The following ZNF160 variants were observed in gnomAD, a reference collection of about 807,000 sequenced individuals.
The protein encoded by ZNF160 is zinc finger protein 160.
ZNF160 carries 9 observed loss-of-function variants against 13.1 expected under a neutral mutation model. That is an observed-to-expected ratio of 0.69 (90% CI 0.41 to 1.20). ZNF160 has a LOEUF of 1.20. Ranked by LOEUF, ZNF160 falls within the 50% of genes most tolerant of loss-of-function variation. The pLI, the probability that ZNF160 is intolerant of heterozygous loss-of-function variation, is 0.01. For missense variants in ZNF160, 838 were observed against 988.0 expected (o/e 0.85, Z 2.04); for synonymous variants, 293 against 333.2 (o/e 0.88, Z 1.31).
intron 2 of ZNF160, among the ~76,000 whole-genome samples, chr19:53,090,781 G>C (rs2085005547): frequency 6.6e-6 from 1 of 152,234 alleles, no homozygotes; most frequent in African/African-American, 2.4e-5. Flanking sequence ...CGGAGCTGCG[G>C]TGCTGCTGTG....
chr19:53,100,377 G>A (rs1423369524), intron 1 of ZNF160, among the ~76,000 whole-genome samples: 1 of 148,214 alleles, frequency 6.7e-6, no homozygotes, highest in Non-Finnish European at 1.5e-5. Flanking sequence ...TTGGGAGGCT[G>A]AGGCGGGTGG....
At chr19:53,084,115 C>T (rs901086230) in intron 3 of ZNF160, among the ~76,000 whole-genome samples, 1 of 152,102 alleles carries the variant, frequency 6.6e-6, no homozygotes, top group Non-Finnish European at 1.5e-5. Context: ...AATCAATCTA[C>T]AACCCAAAGT....
rs187392910 is a variant in ZNF160 at position 53,080,038 on chromosome 19, C to T, written c.16-4855G>A. Among the ~76,000 whole-genome samples, 105 of 152,124 alleles carry T rather than the reference C, an allele frequency of 6.9e-4. 1 individual carries two copies. Among genetic ancestry groups the T allele is most frequent in the Non-Finnish European group, 1.4e-3 (93 of 68,002 alleles). The stretch of plus-strand genomic sequence containing the variant: ...AAACCCTAAAGATTCCACTAAAAGA[C>T]TCCTAGACCTGATAAATGACTTCAG... On this transcript the variant is annotated intron_variant, in intron 3 of 5. Coordinates refer to ENST00000683776, the MANE Select transcript of ZNF160 (RefSeq NM_001322131.2).
At chr19:53,079,335 G>A (rs2084531845) in intron 3 of ZNF160, among the ~76,000 whole-genome samples, 1 of 152,086 alleles carries the variant, frequency 6.6e-6, no homozygotes, top group Non-Finnish European at 1.5e-5. Flanking sequence ...TGGATCACCT[G>A]AGGTCAGGAG....
At chr19:53,099,987 C>T (rs2085383979) in intron 1 of ZNF160, among the ~76,000 whole-genome samples, 1 of 152,218 alleles carries the variant, frequency 6.6e-6, no homozygotes, top group Non-Finnish European at 1.5e-5. Context: ...GCAAAAGAAA[C>T]TTCCCTTTCA....
At chr19:53,096,270 G>T (rs1178281102) in intron 1 of ZNF160, among the ~76,000 whole-genome samples, 2 of 152,202 alleles carry the variant, frequency 1.3e-5, no homozygotes, top group African/African-American at 2.4e-5. Context: ...CATTTTTATG[G>T]TCTTCACTTT....
At chr19:53,099,710 A>G (rs1490404876) in intron 1 of ZNF160, among the ~76,000 whole-genome samples, 1 of 151,938 alleles carries the variant, frequency 6.6e-6, no homozygotes, top group African/African-American at 2.4e-5. Flanking sequence ...AATTCCTAGA[A>G]GAACTGCAAA....
intron 5 of ZNF160, among the ~76,000 whole-genome samples, chr19:53,071,082 G>C (rs928875053): frequency 2.0e-5 from 3 of 152,104 alleles, no homozygotes; most frequent in Non-Finnish European, 2.9e-5. Context: ...TATAGTCCCA[G>C]CTTCTCAGGA....
At chr19:53,072,389 T>C (rs2584265) in intron 5 of ZNF160, among the ~76,000 whole-genome samples, 96,100 of 152,124 alleles carry the variant, frequency 0.63, 30,622 homozygotes, top group African/African-American at 0.66. Context: ...CGTGAGCCTC[T>C]ATACCTGGCC....
chr19:53,102,920 G>A (rs774854840), intron 1 of ZNF160, among the ~76,000 whole-genome samples: 2 of 152,100 alleles, frequency 1.3e-5, no homozygotes, highest in Non-Finnish European at 2.9e-5. Context: ...GGAGGGAGGT[G>A]GGGGGCGACG....
intron 3 of ZNF160, among the ~76,000 whole-genome samples, chr19:53,082,308 C>CA (rs574974749): frequency 6.6e-6 from 1 of 152,058 alleles, no homozygotes; most frequent in African/African-American, 2.4e-5. Flanking sequence ...CCAATGTACA[C>CA]AAAAAAATTC....
At chr19:53,101,477 C>CA (rs2085446315) in intron 1 of ZNF160, among the ~76,000 whole-genome samples, 1 of 150,878 alleles carries the variant, frequency 6.6e-6, no homozygotes, top group African/African-American at 2.4e-5. Context: ...TGGAATTCTA[C>CA]AAAGGGAAAA....
chr19:53,087,993 G>A (rs930872520), intron 2 of ZNF160, among the ~76,000 whole-genome samples: 13 of 152,190 alleles, frequency 8.5e-5, no homozygotes, highest in African/African-American at 3.1e-4. Flanking sequence ...AACAGGTGGG[G>A]CATAAAGCCA....
chr19:53,074,955 C>T, intron 4 of ZNF160, 102 bp downstream of exon 4: 1 of 1,509,868 alleles, frequency 6.6e-7, no homozygotes, highest in Non-Finnish European at 9.2e-7. Context: ...AACAGGACTT[C>T]AATCTCAGTC....
rs2084782224 is a variant in ZNF160, at chr19:53,085,120, T to C, written c.15+1142A>G. 7.2e-6 allele frequency: 7 copies of C among 965,712 alleles called. No homozygotes were observed. The South Asian group carries it at 2.4e-4, about 33-fold the overall frequency. The allele number at this position is 965,712 out of a possible 1,614,324, so 59.8% of individuals were successfully genotyped here. ...AGGTGTGAGCCACCATGCAGCACCCTGTGTGGCATTCTTTATAGAAGTGAG... is the reference window on the plus strand; with the variant it reads ...AGGTGTGAGCCACCATGCAGCACCCCGTGTGGCATTCTTTATAGAAGTGAG... On this transcript the variant is annotated intron_variant, in intron 3 of 5. Coordinates refer to ENST00000683776, the MANE Select transcript of ZNF160 (RefSeq NM_001322131.2).
At chr19:53,084,953 C>CT (rs56958526) in intron 3 of ZNF160, 23 of 141,904 alleles carry the variant, frequency 1.6e-4, no homozygotes, top group African/African-American at 3.7e-4. Flanking sequence ...AGGGTGGCAC[C>CT]TTTTTTTTTT....
intron 3 of ZNF160, among the ~76,000 whole-genome samples, chr19:53,082,481 G>A (rs2084670264): frequency 6.6e-6 from 1 of 152,084 alleles, no homozygotes; most frequent in South Asian, 2.1e-4. Context: ...CAAGAGACCA[G>A]CCTGGGAAAT....
At position 53,069,981 on chromosome 19, in the gene ZNF160, A is replaced by G. The variant is rs1159641526; in HGVS notation, c.553T>C (p.Phe185Leu). 1.2e-6 allele frequency: 2 copies of G among 1,613,988 alleles called. No homozygotes were observed. Among genetic ancestry groups the G allele is most frequent in the Non-Finnish European group, 8.5e-7 (1 of 1,180,032 alleles). ...TGCAGTTCAGGCAGATGAGAATGAA[A>G]GCTTACTCCAAGCTGATTGTTCATA... ...KLMNNQLGVS[F>L]HSHLPELQLF... is the part of the protein sequence containing the mutation. The change falls in exon 6 of 6, where the codon TTT (phenylalanine) becomes CTT (leucine). Residue 185 changes from phenylalanine (F) to leucine (L), a missense_variant. By Grantham distance (22) the Phe-to-Leu change is conservative. This residue lies in a region of ZNF160 where 387 missense variants were observed against 402.3 expected (regional missense o/e 0.96). Coordinates refer to ENST00000683776, the MANE Select transcript of ZNF160 (RefSeq NM_001322131.2). This position sits in a 1 kb window ranked among gnomAD's most constrained non-coding sequence, Gnocchi z 4.4.
chr19:53,076,911 A>C (rs924617698), intron 3 of ZNF160: 1 of 152,052 alleles, frequency 6.6e-6, no homozygotes, highest in African/African-American at 2.4e-5. Flanking sequence ...TAACATTCTG[A>C]CTTTTTTTTT....
Sources: allele counts gnomAD v4.1 joint callset (sites outside exome capture counted in the v4.1 genomes callset), GRCh38; gene constraint gnomAD v4.1.1; regional missense constraint gnomAD v4.1.1; non-coding constraint Gnocchi (gnomAD v3.1); transcripts MANE v1.5; gene names NCBI Gene and HGNC (gene_info 2026-07-23, HGNC 2026-07-21).